OC90: variants seen among roughly 807,000 people sequenced by gnomAD.
OC90 encodes the protein otoconin-90.
Under a neutral mutation model 47.3 loss-of-function variants are expected in OC90, and 46 were observed. That is an observed-to-expected ratio of 0.97 (90% CI 0.77 to 1.24). The LOEUF is 1.24. OC90 is among the 50% of genes most tolerant of loss of function. The pLI is 0.00. For missense variants in OC90, 688 were observed against 583.9 expected (o/e 1.18, Z -1.84); for synonymous variants, 271 against 219.5 (o/e 1.23, Z -2.07).
At chr8:132,032,333 C>A (rs1349282755) in intron 11 of OC90, among the ~76,000 whole-genome samples, 1 of 152,122 alleles carries the variant, frequency 6.6e-6, no homozygotes, top group Non-Finnish European at 1.5e-5. Context: ...TTGTCAGGAC[C>A]CAAGATGCTG....
Position 132,048,430 on chromosome 8 carries a change from C to A in OC90, c.47-2547G>T, listed in dbSNP as rs75419270. 3.5e-4 allele frequency among the ~76,000 whole-genome samples: 52 copies of A among 147,012 alleles called. No homozygotes were observed. The East Asian group carries it at 0.01, about 28-fold the overall frequency. On this transcript the variant is annotated intron_variant, in intron 2 of 13. Transcript: ENST00000254627. Reference sequence around the variant, plus strand: ...GATGGTTGGAGTATGGAGACTAAGGCAGTCATGGTCCCAGCTGCACTAACC... The same window carrying A: ...GATGGTTGGAGTATGGAGACTAAGGAAGTCATGGTCCCAGCTGCACTAACC...
chr8:132,043,229 T>A (rs1823079175), intron 4 of OC90, among the ~76,000 whole-genome samples: 1 of 152,228 alleles, frequency 6.6e-6, no homozygotes, highest in Admixed American at 6.5e-5. Context: ...ACTGGCACAG[T>A]AATTCAGCCT....
intron 6 of OC90, among the ~76,000 whole-genome samples, chr8:132,039,630 C>T (rs1463309734): frequency 1.3e-5 from 2 of 152,126 alleles, no homozygotes; most frequent in Admixed American, 6.5e-5. Context: ...GCTCCCCTGA[C>T]CCACGACCCC....
At chr8:132,024,836 C>T in intron 13 of OC90, 60 bp from the exon 14 acceptor site, 1 of 1,481,016 alleles carries the variant, frequency 6.8e-7, no homozygotes, top group Admixed American at 1.9e-5. Flanking sequence ...CTGGGAGGCC[C>T]CACGGCCCTG....
intron 12 of OC90, among the ~76,000 whole-genome samples, chr8:132,031,228 GTTTGT>G (rs1822868541): frequency 1.3e-5 from 2 of 152,184 alleles, no homozygotes; most frequent in Admixed American, 6.5e-5. Context: ...GGCAAAAATA[GTTTGT>G]TTTATGTTGC....
chr8:132,047,117 G>T (rs1424155115), intron 2 of OC90, among the ~76,000 whole-genome samples: 1 of 152,096 alleles, frequency 6.6e-6, no homozygotes. Context: ...ACGCATAACT[G>T]AGAGAGTCAC....
In OC90 at chr8:132,055,508, T is replaced by A. The variant is rs183729520; in HGVS notation, c.-47-435A>T. 3.2e-3 allele frequency among the ~76,000 whole-genome samples: 490 copies of A among 152,328 alleles called. 2 individuals are homozygous for A. The highest frequency in any genetic ancestry group is 0.014 in the Middle Eastern group (4 of 294). On this transcript the variant is annotated intron_variant, in intron 1 of 13. Transcript: ENST00000254627. Reference sequence around the variant, plus strand: ...AGTGCTGTAGTTTGACTTTTGTTAATTGAATTTTAAATAGCCCGTACTTTA... The same window carrying A: ...AGTGCTGTAGTTTGACTTTTGTTAAATGAATTTTAAATAGCCCGTACTTTA...
chr8:132,028,643 G>GAAGT (rs1822809431), intron 13 of OC90, among the ~76,000 whole-genome samples: 2 of 103,232 alleles, frequency 1.9e-5, no homozygotes, highest in Non-Finnish European at 2.0e-5. Flanking sequence ...GGAAAGAAAG[G>GAAGT]AAGGAAGGAA....
chr8:132,052,314 T>C (rs987807421), intron 2 of OC90, among the ~76,000 whole-genome samples: 1 of 152,218 alleles, frequency 6.6e-6, no homozygotes, highest in East Asian at 1.9e-4. Context: ...TCTGGCACAT[T>C]TTTCACTGGG....
rs1158600847 is a variant in OC90, at chr8:132,031,881, C to T, written c.1031G>A (p.Arg344Lys). The T allele has an allele frequency of 1.9e-6, 3 of 1,613,492 alleles. No individual in the cohort carries two copies. The highest frequency in any genetic ancestry group is 1.3e-5 in the African/African-American group (1 of 74,928). ...GRGEPRDDLD[R>K]CCLSHHCCLE... The stretch of plus-strand genomic sequence containing the variant: ...AGCTGTCACCGCTGGCTCTCCATAC[C>T]TGTCTAGGTCATCCCTTGGCTCGCC... Residue 344 changes from arginine (R) to lysine (K), a missense_variant and splice_region_variant, in exon 12 of 14, where the codon AGG (arginine) becomes AAG (lysine). Arg to Lys is a conservative substitution (Grantham distance 26). Coordinates refer to ENST00000254627, the MANE Select transcript of OC90 (RefSeq NM_001080399.3).
chr8:132,028,430 G>A (rs887409745), intron 13 of OC90, among the ~76,000 whole-genome samples: 3 of 151,682 alleles, frequency 2.0e-5, no homozygotes, highest in Admixed American at 1.3e-4. Flanking sequence ...GGAATCAGGG[G>A]GTTAGAGGTT....
intron 4 of OC90, among the ~76,000 whole-genome samples, chr8:132,043,092 T>C (rs1216113900): frequency 6.6e-6 from 1 of 152,248 alleles, no homozygotes; most frequent in South Asian, 2.1e-4. Flanking sequence ...ATTAGTTCAC[T>C]GAATGGATCC....
intron 1 of OC90, among the ~76,000 whole-genome samples, chr8:132,056,261 A>C (rs10755936): frequency 0.72 from 109,835 of 152,006 alleles, 39,889 homozygotes; most frequent in East Asian, 0.76. Flanking sequence ...AGAGACCAAG[A>C]CTGCCCCGTA....
At position 132,031,341 on chromosome 8, in the gene OC90, C is replaced by T. The variant is rs6984785; in HGVS notation, c.1031+540G>A. Among the ~76,000 whole-genome samples the T allele has an allele frequency of 7.9e-3, 1,209 of 152,244 alleles. 22 individuals carry two copies. Among genetic ancestry groups the T allele is most frequent in the African/African-American group, 0.027 (1,140 of 41,560 alleles). On this transcript the variant is annotated intron_variant, in intron 12 of 13. Coordinates refer to ENST00000254627, the MANE Select transcript of OC90 (RefSeq NM_001080399.3). ...GGTATGGGTTTGATGCATATTTAAA[C>T]GAATGAATACATTAATAAGTGCATG...
At chr8:132,054,769 A>C (rs1823259475) in intron 2 of OC90, among the ~76,000 whole-genome samples, 1 of 152,220 alleles carries the variant, frequency 6.6e-6, no homozygotes, top group African/African-American at 2.4e-5. Flanking sequence ...CATTTTTGTC[A>C]CCACAAGGTA....
rs769604513 is a variant in OC90 at position 132,034,771 on chromosome 8, G to C, written c.733+10C>G. Reference sequence around the variant, plus strand: ...CATGAACATAGGCAGGTGGAGCCCAGTAGGCTTACCTGGAGGGGACGTAGC... The same window carrying C: ...CATGAACATAGGCAGGTGGAGCCCACTAGGCTTACCTGGAGGGGACGTAGC... On this transcript the variant is annotated intron_variant, in intron 10 of 13. Transcript: ENST00000254627. 5.0e-5 allele frequency: 80 copies of C among 1,601,234 alleles called. No individual in the cohort carries two copies. The highest frequency in any genetic ancestry group is 5.6e-5 in the Non-Finnish European group (65 of 1,169,418).
At chr8:132,032,834 C>A (rs978221963) in intron 11 of OC90, among the ~76,000 whole-genome samples, 6 of 152,160 alleles carry the variant, frequency 3.9e-5, no homozygotes, top group African/African-American at 1.2e-4. Flanking sequence ...CTCCTCCCCC[C>A]AGGCTCAGCC....
At chr8:132,038,303 G>A (rs763038579) in intron 8 of OC90, among the ~76,000 whole-genome samples, 3 of 152,224 alleles carry the variant, frequency 2.0e-5, no homozygotes, top group Non-Finnish European at 4.4e-5. Context: ...AAAAGCCTCT[G>A]TTGGACCCAG....
chr8:132,041,158 T>TAC lies in OC90; in HGVS notation c.345-3_345-2insGT. 3 of 1,604,536 alleles carry TAC rather than the reference T, an allele frequency of 1.9e-6. No homozygotes were observed. The highest frequency in any genetic ancestry group is 8.5e-7 in the Non-Finnish European group (1 of 1,171,334). ...CACCTGCGGTGCTGGAAGCAGCAGCTGTAGGAAGGCCGGGAGGAGGCAGGG... is the reference window on the plus strand; with the variant it reads ...CACCTGCGGTGCTGGAAGCAGCAGCTACGTAGGAAGGCCGGGAGGAGGCAGGG... On this transcript the variant is annotated splice_region_variant and splice_polypyrimidine_tract_variant and intron_variant, in intron 5 of 13. Coordinates refer to ENST00000254627, the MANE Select transcript of OC90 (RefSeq NM_001080399.3).
Sources: allele counts gnomAD v4.1 joint callset (sites outside exome capture counted in the v4.1 genomes callset), GRCh38; gene constraint gnomAD v4.1.1; transcripts MANE v1.5; gene names NCBI Gene and HGNC (gene_info 2026-07-23, HGNC 2026-07-21).